The following TBC1D16 variants were observed in gnomAD, a reference collection of about 807,000 sequenced individuals.
The protein encoded by TBC1D16 is CTD-2529O21.1.
In TBC1D16, 58 loss-of-function variants were observed where a neutral mutation model predicts 74.7. The ratio of observed to expected loss-of-function variants is 0.78; its 90% CI spans 0.63 to 0.97. The LOEUF (loss-of-function observed/expected upper bound fraction) is 0.97. Ranked by LOEUF, TBC1D16 falls within the 50% of genes least tolerant of loss-of-function variation. The pLI, the probability that TBC1D16 is intolerant of heterozygous loss-of-function variation, is 0.00. For missense variants in TBC1D16, 1,014 were observed against 1,079.5 expected (o/e 0.94, Z 0.85); for synonymous variants, 493 against 474.7 (o/e 1.04, Z -0.50).
Position 79,936,641 on chromosome 17 carries a change from C to G in TBC1D16, c.*4218G>C, listed in dbSNP as rs1202462155. On this transcript the variant is annotated 3_prime_UTR_variant, in exon 12 of 12. Transcript: ENST00000310924. ...CCGACCAACCCCCAAGGGCATGCCTCTGGCTTCATGAACCTTCGGGGGAAA... is the reference window on the plus strand; with the variant it reads ...CCGACCAACCCCCAAGGGCATGCCTGTGGCTTCATGAACCTTCGGGGGAAA... 1.3e-5 allele frequency: 2 copies of G among 152,398 alleles called. No homozygotes were observed. The highest frequency in any genetic ancestry group is 4.8e-5 in the African/African-American group (2 of 41,458). 9.4% of individuals were successfully genotyped at this position (152,398 alleles called of 1,614,324 possible).
intron 10 of TBC1D16, 66 bp from the exon 11 acceptor site, chr17:79,942,272 A>C: frequency 6.7e-7 from 1 of 1,488,072 alleles, no homozygotes; most frequent in South Asian, 1.2e-5. Flanking sequence ...CTCAGGGGGA[A>C]ACTGAGTGCC....
intron 1 of TBC1D16, among the ~76,000 whole-genome samples, chr17:80,024,320 T>C (rs2036407446): frequency 4.7e-5 from 7 of 148,674 alleles, no homozygotes; most frequent in Admixed American, 4.0e-4. Flanking sequence ...ACGCACACCA[T>C]AGACACACAT....
At chr17:79,963,956 T>G (rs1357076274) in intron 3 of TBC1D16, among the ~76,000 whole-genome samples, 1 of 151,426 alleles carries the variant, frequency 6.6e-6, no homozygotes, top group African/African-American at 2.4e-5. Context: ...TGTTTGGTTG[T>G]TTGGTTGTTT....
In TBC1D16 at chr17:79,988,896, C is replaced by T. The variant is rs1456246591; in HGVS notation, c.779+21264G>A. Among the ~76,000 whole-genome samples the T allele has an allele frequency of 1.3e-5, 2 of 152,198 alleles. No individual in the cohort carries two copies. The highest frequency in any genetic ancestry group is 4.8e-5 in the African/African-American group (2 of 41,436). On this transcript the variant is annotated intron_variant, in intron 3 of 11. Transcript: ENST00000310924. The surrounding 1 kb of genome is among the most constrained non-coding windows in gnomAD (Gnocchi z 5.7). The stretch of plus-strand genomic sequence containing the variant: ...TGCTGGGCTGGACGGTGCCACCCTC[C>T]CCAACCCGCACCTGCCCGCCGGCCC...
chr17:79,994,426 GT>G lies in TBC1D16; in HGVS notation c.779+15733del, dbSNP rs2035191575. Among the ~76,000 whole-genome samples, 1 of 152,074 alleles carries G rather than the reference GT, an allele frequency of 6.6e-6. No individual in the cohort carries two copies. The highest frequency in any genetic ancestry group is 1.5e-5 in the Non-Finnish European group (1 of 68,000). On this transcript the variant is annotated intron_variant, in intron 3 of 11. Coordinates refer to ENST00000310924, the MANE Select transcript of TBC1D16 (RefSeq NM_019020.4). The surrounding 1 kb of genome is among the most constrained non-coding windows in gnomAD (Gnocchi z 4.6). The stretch of plus-strand genomic sequence containing the variant: ...AGAATATTTTGTTTTGTTTTGTTTT[GT>G]TTATTTTTTTATTGAGACGAAGTCT...
rs2035166650 is a variant in TBC1D16 at position 79,993,817 on chromosome 17, G to A, written c.779+16343C>T. Reference sequence around the variant, plus strand: ...TTGATGCAAGAGCTGGGGCTCGGGAGCCTCCCAAGGGCAGCTCTGTGTATT... The same window carrying A: ...TTGATGCAAGAGCTGGGGCTCGGGAACCTCCCAAGGGCAGCTCTGTGTATT... On this transcript the variant is annotated intron_variant, in intron 3 of 11. Coordinates refer to ENST00000310924, the MANE Select transcript of TBC1D16 (RefSeq NM_019020.4). The surrounding 1 kb of genome is among the most constrained non-coding windows in gnomAD (Gnocchi z 5.1). Among the ~76,000 whole-genome samples, 1 of 152,060 alleles carries A rather than the reference G, an allele frequency of 6.6e-6. No homozygotes were observed. The highest frequency in any genetic ancestry group is 6.5e-5 in the Admixed American group (1 of 15,284).
chr17:79,970,636 C>T (rs549328339), intron 3 of TBC1D16, among the ~76,000 whole-genome samples: 13 of 152,140 alleles, frequency 8.5e-5, no homozygotes, highest in African/African-American at 2.2e-4. Context: ...AGGCAGCAAA[C>T]GGTAAACGGG....
rs576538983 is a variant in TBC1D16 at position 79,997,358 on chromosome 17, T to A, written c.779+12802A>T. ...GTATAGGGCCTCCCGGTACTTTTTT[T>A]TTTTTTGCAACTTCCTGTAGTTACT... On this transcript the variant is annotated intron_variant, in intron 3 of 11. Transcript: ENST00000310924. Among the ~76,000 whole-genome samples the A allele has an allele frequency of 8.1e-4, 124 of 152,244 alleles. 1 individual carries two copies. Among genetic ancestry groups the A allele is most frequent in the African/African-American group, 2.9e-3 (121 of 41,544 alleles).
In TBC1D16 at chr17:79,944,544, CCCGAGGGGGTGGAGCGGTG is replaced by C. The variant is rs1278983220; in HGVS notation, c.1908+345_1908+363del. 6.6e-6 allele frequency among the ~76,000 whole-genome samples: 1 copy of C among 152,138 alleles called. No homozygotes were observed. Among genetic ancestry groups the C allele is most frequent in the East Asian group, 1.9e-4 (1 of 5,182 alleles). On this transcript the variant is annotated intron_variant, in intron 10 of 11. Coordinates refer to ENST00000310924, the MANE Select transcript of TBC1D16 (RefSeq NM_019020.4). This position sits in a 1 kb window ranked among gnomAD's most constrained non-coding sequence, Gnocchi z 7.7. Reference sequence around the variant, plus strand: ...GAGTCGGCCCTCGTGGCAGGGCGGTCCCGAGGGGGTGGAGCGGTGCTGGCTCACGCTCGTGGGCACCAGC... The same window carrying C: ...GAGTCGGCCCTCGTGGCAGGGCGGTCCTGGCTCACGCTCGTGGGCACCAGC...
intron 9 of TBC1D16, among the ~76,000 whole-genome samples, chr17:79,946,801 C>T (rs564044098): frequency 7.9e-5 from 12 of 152,350 alleles, no homozygotes; most frequent in Non-Finnish European, 1.5e-4. Flanking sequence ...CTTAGCGACA[C>T]TCAGGGCCAG....
chr17:79,949,839 C>A lies in TBC1D16; in HGVS notation c.1284G>T (p.Val428=). 4 of 1,613,488 alleles carry A rather than the reference C, an allele frequency of 2.5e-6. No individual in the cohort carries two copies. Among genetic ancestry groups the A allele is most frequent in the Non-Finnish European group, 2.5e-6 (3 of 1,179,758 alleles). The part of the protein sequence containing the change: ...RKAIFFGGID[V]SIRGEVWPFL... The stretch of plus-strand genomic sequence containing the variant: ...AGGGCCAGACCTCCCCGCGGATTGA[C>A]ACATCAATACCGCCAAAGAAAATGG... The change falls in exon 7 of 12, where the codon GTG becomes GTT. Residue 428 remains valine, a synonymous_variant. Coordinates refer to ENST00000310924, the MANE Select transcript of TBC1D16 (RefSeq NM_019020.4).
chr17:80,006,953 G>A (rs2035698738), intron 3 of TBC1D16, among the ~76,000 whole-genome samples: 1 of 152,140 alleles, frequency 6.6e-6, no homozygotes, highest in Non-Finnish European at 1.5e-5. Context: ...GAGTCACAGT[G>A]CCCGGCCTCC....
intron 3 of TBC1D16, among the ~76,000 whole-genome samples, chr17:79,960,230 A>G (rs1282363402): frequency 2.0e-5 from 3 of 152,174 alleles, no homozygotes; most frequent in African/African-American, 7.2e-5. Context: ...TCATCATTCT[A>G]TACAGAATAT....
intron 3 of TBC1D16, among the ~76,000 whole-genome samples, chr17:80,004,180 C>T (rs1033779467): frequency 5.3e-5 from 8 of 152,218 alleles, no homozygotes; most frequent in East Asian, 3.9e-4. Flanking sequence ...AGCCAGTGGC[C>T]GCAGTGCGGG....
intron 3 of TBC1D16, among the ~76,000 whole-genome samples, chr17:79,991,182 C>A (rs886920782): frequency 6.6e-6 from 1 of 152,252 alleles, no homozygotes; most frequent in Non-Finnish European, 1.5e-5. Context: ...CCCTGGAGAC[C>A]CAGCTGGGCT....
In TBC1D16 at chr17:80,008,786, C is replaced by G. The variant is rs2035770643; in HGVS notation, c.779+1374G>C. ...CTGAGATGAATGTTATCGGTTCACC[C>G]TGGGGCTCTAATGGACTGCATCTTT... On this transcript the variant is annotated intron_variant, in intron 3 of 11. Transcript: ENST00000310924. The surrounding 1 kb of genome is among the most constrained non-coding windows in gnomAD (Gnocchi z 4.5). 6.6e-6 allele frequency among the ~76,000 whole-genome samples: 1 copy of G among 152,246 alleles called. No homozygotes were observed. The highest frequency in any genetic ancestry group is 1.5e-5 in the Non-Finnish European group (1 of 68,042).
chr17:80,010,773 G>A lies in TBC1D16; in HGVS notation c.182-16C>T, dbSNP rs374960003. ...CACAGGTAACCTGTGAGGAGCCAGG[G>A]GGATGGCACGTTAGAGGCCAGGAGG... is the stretch of plus-strand genomic sequence containing the variant. On this transcript the variant is annotated splice_polypyrimidine_tract_variant and intron_variant, in intron 2 of 11. Transcript: ENST00000310924. This position sits in a 1 kb window ranked among gnomAD's most constrained non-coding sequence, Gnocchi z 8.8. 5.4e-6 allele frequency: 8 copies of A among 1,470,474 alleles called. No individual in the cohort carries two copies. The African/African-American group carries it at 8.4e-5, about 16-fold the overall frequency. The allele number at this position is 1,470,474 out of a possible 1,614,324, so 91.1% of individuals were successfully genotyped here.
rs959262953 is a variant in TBC1D16 at position 79,988,547 on chromosome 17, G to A, written c.779+21613C>T. 7.9e-5 allele frequency among the ~76,000 whole-genome samples: 12 copies of A among 152,206 alleles called. No individual in the cohort carries two copies. Among genetic ancestry groups the A allele is most frequent in the African/African-American group, 2.7e-4 (11 of 41,452 alleles). On this transcript the variant is annotated intron_variant, in intron 3 of 11. Coordinates refer to ENST00000310924, the MANE Select transcript of TBC1D16 (RefSeq NM_019020.4). The surrounding 1 kb of genome is among the most constrained non-coding windows in gnomAD (Gnocchi z 5.7). Reference sequence around the variant, plus strand: ...CAGAGTCCACAGTCGACCACCTCCCGCTCGGCAAGCCAGGGTCCTGGTGAA... The same window carrying A: ...CAGAGTCCACAGTCGACCACCTCCCACTCGGCAAGCCAGGGTCCTGGTGAA...
At chr17:80,002,858 G>C (rs529964860) in intron 3 of TBC1D16, among the ~76,000 whole-genome samples, 179 of 152,370 alleles carry the variant, frequency 1.2e-3, no homozygotes, top group African/African-American at 4.1e-3. Context: ...TGACGGCGCT[G>C]GCCCAGGCAC....
Sources: gnomAD v4.1 joint callset for allele counts (sites outside exome capture counted in the v4.1 genomes callset) on GRCh38, gnomAD v4.1.1 for gene constraint, Gnocchi (gnomAD v3.1) non-coding constraint, MANE v1.5 for transcripts, NCBI Gene and HGNC (gene_info 2026-07-23, HGNC 2026-07-21) for gene names.